Variants in UNC80 observed in about 807,000 individuals in gnomAD.
UNC80 encodes protein unc-80 homolog.
UNC80 carries 164 observed loss-of-function variants against 384.6 expected under a neutral mutation model. The ratio of observed to expected loss-of-function variants is 0.43; its 90% confidence interval spans 0.38 to 0.49. The LOEUF is 0.49. Ranked by LOEUF, UNC80 falls within the 20% of genes least tolerant of loss-of-function variation. The pLI is 0.00. For synonymous variants in UNC80, 1,486 were observed against 1,527.8 expected (o/e 0.97, Z 0.64); for missense variants, 3,330 against 4,143.0 (o/e 0.80, Z 5.39).
In UNC80 at chr2:209,973,276, T is replaced by C. The variant is rs1266482871; in HGVS notation, c.8587+6T>C. 3.2e-6 allele frequency: 5 copies of C among 1,551,054 alleles called. No individual in the cohort carries two copies. The Admixed American group carries it at 5.9e-5, about 18-fold the overall frequency. The stretch of plus-strand genomic sequence containing the variant: ...CAGCCAAGCAGCATACTTGGGTTGG[T>C]ACTTTCTCTCTCTCTCTCTCTGTTT... On this transcript the variant is annotated splice_donor_region_variant and intron_variant, in intron 56 of 64. Coordinates refer to ENST00000673920, the MANE Select transcript of UNC80 (RefSeq NM_001371986.1).
Position 209,945,071 on chromosome 2 carries a change from C to T in UNC80, c.7071C>T (p.Pro2357=). 1.9e-6 allele frequency: 3 copies of T among 1,551,252 alleles called. No individual in the cohort carries two copies. Among genetic ancestry groups the T allele is most frequent in the Non-Finnish European group, 2.6e-6 (3 of 1,146,742 alleles). Residue 2357 remains proline (P), a synonymous_variant, in exon 46 of 65, where the codon CCC becomes CCT. Coordinates refer to ENST00000673920, the MANE Select transcript of UNC80 (RefSeq NM_001371986.1). ...LEFPDAANNG[P]SKGVSAQCLF... is the part of the protein sequence containing the mutation. Reference sequence around the variant, plus strand: ...ATCAGGATGCTGCCAATAATGGGCCCAGCAAAGGTGTGTCAGCTCAGTGCC... The same window carrying T: ...ATCAGGATGCTGCCAATAATGGGCCTAGCAAAGGTGTGTCAGCTCAGTGCC...
chr2:209,825,955 A>G lies in UNC80; in HGVS notation c.2380A>G (p.Ile794Val). ...CCATAGGCTTGCTCTAACAATGCTC[A>G]TCAAAATAGTGAAGTCTTTGGGATG... Reference protein sequence around the residue: ...SNHRLALTMLIKIVKSLGCAY... With the variant: ...SNHRLALTMLVKIVKSLGCAY... The change falls in exon 14 of 65, where the codon ATC becomes GTC. Residue 794 changes from isoleucine (I) to valine (V), a missense_variant. By Grantham distance (29) the Ile-to-Val change is conservative. Around this residue, in one of 8 missense-constraint regions of UNC80, gnomAD observed 937 missense variants for 1,026.8 expected, o/e 0.91. Coordinates refer to ENST00000673920, the MANE Select transcript of UNC80 (RefSeq NM_001371986.1). The G allele has an allele frequency of 6.4e-7, 1 of 1,550,982 alleles. No homozygotes were observed. Among genetic ancestry groups the G allele is most frequent in the Non-Finnish European group, 8.7e-7 (1 of 1,146,504 alleles).
rs1353177030 is a variant in UNC80 at position 209,974,135 on chromosome 2, C to T, written c.8587+865C>T. On this transcript the variant is annotated intron_variant, in intron 56 of 64. Transcript: ENST00000673920. ...TCTTGCCTGATATTTTTCAATTCACCAAAGCAGATATTGGTGAGAAGTATA... is the reference window on the plus strand; with the variant it reads ...TCTTGCCTGATATTTTTCAATTCACTAAAGCAGATATTGGTGAGAAGTATA... Among the ~76,000 whole-genome samples, 7 of 152,154 alleles carry T rather than the reference C, an allele frequency of 4.6e-5. No individual in the cohort carries two copies. In the South Asian group the frequency reaches 1.0e-3, roughly 23 times the overall value.
At chr2:209,978,462 G>T in intron 58 of UNC80, 67 bp from the exon 59 acceptor site, 1 of 1,343,544 alleles carries the variant, frequency 7.4e-7, no homozygotes, top group Non-Finnish European at 1.0e-6. Context: ...AAGTGGTCAG[G>T]GAGGACTTTG....
chr2:209,937,040 T>A, intron 41 of UNC80, 107 bp downstream of exon 41: 1 of 712,126 alleles, frequency 1.4e-6, no homozygotes, highest in Non-Finnish European at 2.4e-6. Context: ...AAGGTAATAG[T>A]ATGGCCACCT....
intron 58 of UNC80, 86 bp from the exon 59 acceptor site, chr2:209,978,443 A>G (rs1246724927): frequency 5.0e-6 from 6 of 1,210,794 alleles, no homozygotes; most frequent in Non-Finnish European, 6.7e-6. Context: ...AACCTTTCCT[A>G]AAAAATACAA....
chr2:209,938,819 C>T (rs978324406), intron 42 of UNC80, among the ~76,000 whole-genome samples: 1 of 151,834 alleles, frequency 6.6e-6, no homozygotes, highest in Non-Finnish European at 1.5e-5. Context: ...CAAGTTAGAG[C>T]CTTAAGACTT....
At chr2:209,851,836 GC>G (rs990715946) in intron 22 of UNC80, among the ~76,000 whole-genome samples, 6 of 152,048 alleles carry the variant, frequency 3.9e-5, no homozygotes, top group African/African-American at 7.2e-5. Flanking sequence ...TATCTTCCAA[GC>G]CCTTCAGTTT....
At chr2:209,991,618 T>G (rs1450650090) in intron 61 of UNC80, among the ~76,000 whole-genome samples, 1 of 152,170 alleles carries the variant, frequency 6.6e-6, no homozygotes, top group Admixed American at 6.5e-5. Context: ...TAAAAAAACA[T>G]TTGTTTACCC....
At chr2:209,986,623 G>C (rs1161785298) in intron 61 of UNC80, among the ~76,000 whole-genome samples, 2 of 152,136 alleles carry the variant, frequency 1.3e-5, no homozygotes, top group Non-Finnish European at 2.9e-5. Context: ...AACTGCCGTT[G>C]ATCCGTTGTT....
intron 61 of UNC80, among the ~76,000 whole-genome samples, chr2:209,990,532 T>C (rs1442752455): frequency 6.6e-6 from 1 of 152,208 alleles, no homozygotes. Context: ...TCCATTCCAA[T>C]GAAAGCTTTG....
intron 51 of UNC80, chr2:209,961,513 A>T (rs756556090): frequency 6.6e-6 from 1 of 152,242 alleles, no homozygotes; most frequent in Non-Finnish European, 1.5e-5. Flanking sequence ...GAGTGTATAC[A>T]AATTATAGAG....
At chr2:209,968,678 ATCAGCAAATGGC>A (rs1411888064) in intron 52 of UNC80, 4 of 152,250 alleles carry the variant, frequency 2.6e-5, no homozygotes, top group Non-Finnish European at 5.9e-5. Context: ...ATTTGTGTCT[ATCAGCAAATGGC>A]TTATCAAAGA....
chr2:209,987,180 C>T (rs886171088), intron 61 of UNC80, among the ~76,000 whole-genome samples: 1 of 152,146 alleles, frequency 6.6e-6, no homozygotes, highest in African/African-American at 2.4e-5. Context: ...TTTGAAAGGA[C>T]ATTTGTTTTA....
In UNC80 at chr2:209,829,272, T is replaced by C. The variant is rs78126812; in HGVS notation, c.2519T>C (p.Met840Thr). The C allele has an allele frequency of 6.4e-7, 1 of 1,551,358 alleles. No homozygotes were observed. The highest frequency in any genetic ancestry group is 2.0e-5 in the Admixed American group (1 of 50,976). Residue 840 changes from methionine (M) to threonine (T), a missense_variant, in exon 15 of 65, where the codon ATG (methionine) becomes ACG (threonine). Coordinates refer to ENST00000673920, the MANE Select transcript of UNC80 (RefSeq NM_001371986.1). ...ACTAAGCTATACAAGCTAGATAAGA[T>C]GCAGTTCCGACAAACCATGAGGGAC... ...CLTKLYKLDK[M>T]QFRQTMRDYV...
chr2:209,975,965 T>C (rs913220753), intron 56 of UNC80, among the ~76,000 whole-genome samples, 154 bp from the exon 57 acceptor site: 1 of 152,198 alleles, frequency 6.6e-6, no homozygotes, highest in African/African-American at 2.4e-5. Flanking sequence ...TACAGAATAC[T>C]CTTGCTCGGG....
chr2:209,849,488 A>G lies in UNC80; in HGVS notation c.3492A>G (p.Gln1164=). The G allele has an allele frequency of 6.4e-7, 1 of 1,550,990 alleles. No homozygotes were observed. The highest frequency in any genetic ancestry group is 1.2e-5 in the South Asian group (1 of 84,034). Residue 1164 remains glutamine, a synonymous_variant, in exon 22 of 65, where the codon CAA becomes CAG. Coordinates refer to ENST00000673920, the MANE Select transcript of UNC80 (RefSeq NM_001371986.1). ...HSFDDHLSPN[Q]DGGKSKNVVN... Reference sequence around the variant, plus strand: ...TTGATGATCATCTCTCTCCCAACCAAGATGGTGGAAAAAGCAAAAACGTGG... The same window carrying G: ...TTGATGATCATCTCTCTCCCAACCAGGATGGTGGAAAAAGCAAAAACGTGG...
intron 60 of UNC80, among the ~76,000 whole-genome samples, chr2:209,984,573 T>C (rs1197373272): frequency 2.0e-5 from 3 of 152,162 alleles, no homozygotes; most frequent in Non-Finnish European, 4.4e-5. Flanking sequence ...TTTCAGAGCC[T>C]ATGGGCCCAT....
chr2:209,931,006 T>C lies in UNC80; in HGVS notation c.5946T>C (p.Asn1982=). Residue 1982 remains asparagine, a synonymous_variant, in exon 38 of 65, where the codon AAT becomes AAC. Coordinates refer to ENST00000673920, the MANE Select transcript of UNC80 (RefSeq NM_001371986.1). The part of the protein sequence containing the change: ...LMYMLRKLLL[N]IGDFPAQTSH... ...ACATGCTGCGCAAACTTCTCTTGAA[T>C]ATTGGAGACTTTCCTGCTCAGACAT... 6.4e-7 allele frequency: 1 copy of C among 1,550,854 alleles called. No homozygotes were observed. Among genetic ancestry groups the C allele is most frequent in the Non-Finnish European group, 8.7e-7 (1 of 1,146,432 alleles).
Sources: gnomAD v4.1 joint callset for allele counts (sites outside exome capture counted in the v4.1 genomes callset) on GRCh38, gnomAD v4.1.1 for gene constraint, gnomAD v4.1.1 regional missense constraint, MANE v1.5 for transcripts, NCBI Gene and HGNC (gene_info 2026-07-23, HGNC 2026-07-21) for gene names.